Variants in PGGT1B observed in about 807,000 individuals in gnomAD.
PGGT1B encodes the protein protein geranylgeranyltransferase type I subunit beta.
A neutral mutation model predicts 46.1 loss-of-function variants in PGGT1B; 30 were observed. The ratio of observed to expected loss-of-function variants is 0.65; its 90% CI spans 0.49 to 0.88. The LOEUF is 0.88. Ranked by LOEUF, PGGT1B falls within the 40% of genes least tolerant of loss-of-function variation. PGGT1B has a pLI of 0.00. For synonymous variants in PGGT1B, 170 were observed against 160.0 expected (o/e 1.06, Z -0.47); for missense variants, 376 against 455.9 (o/e 0.82, Z 1.60).
At chr5:115,239,819 T>C (rs80338119) in intron 3 of PGGT1B, among the ~76,000 whole-genome samples, 2,038 of 152,222 alleles carry the variant, frequency 0.013, 46 homozygotes, top group African/African-American at 0.046. Context: ...CTAGAGAGCA[T>C]GGGATTTGTG....
intron 3 of PGGT1B, among the ~76,000 whole-genome samples, chr5:115,240,886 T>C (rs1757326850): frequency 1.3e-5 from 2 of 152,302 alleles, no homozygotes; most frequent in African/African-American, 2.4e-5. Flanking sequence ...AAAATACTTG[T>C]ATTTTGTGTA....
rs1254645589 is a variant in PGGT1B, at chr5:115,210,347, A to C, written c.*2055T>G. The C allele has an allele frequency of 6.6e-6, 1 of 152,146 alleles. No individual in the cohort carries two copies. The highest frequency in any genetic ancestry group is 1.5e-5 in the Non-Finnish European group (1 of 67,994). 9.4% of individuals were successfully genotyped at this position (152,146 alleles called of 1,614,324 possible). On this transcript the variant is annotated 3_prime_UTR_variant, in exon 9 of 9. Transcript: ENST00000419445. ...GTGAAATATTGCTTATAATTTATTT[A>C]ATCGATAAATGCTTTTCTTGTAAAT...
intron 1 of PGGT1B, among the ~76,000 whole-genome samples, chr5:115,257,715 C>G (rs1293055334): frequency 1.3e-5 from 2 of 152,142 alleles, no homozygotes; most frequent in African/African-American, 4.8e-5. Flanking sequence ...TACCAAGTGT[C>G]TTAAACAAGT....
chr5:115,213,721 A>T (rs960186593), intron 8 of PGGT1B, among the ~76,000 whole-genome samples: 18 of 152,172 alleles, frequency 1.2e-4, no homozygotes, highest in African/African-American at 4.3e-4. Context: ...GCAGTGAGGC[A>T]TGATTATATC....
intron 8 of PGGT1B, among the ~76,000 whole-genome samples, chr5:115,215,126 G>A (rs1227839591): frequency 6.6e-6 from 1 of 151,934 alleles, no homozygotes; most frequent in African/African-American, 2.4e-5. Flanking sequence ...AGCCTCCTGA[G>A]TAGCTGGGAC....
intron 2 of PGGT1B, among the ~76,000 whole-genome samples, chr5:115,245,707 T>C (rs1206956127): frequency 1.3e-5 from 2 of 152,248 alleles, no homozygotes; most frequent in Non-Finnish European, 2.9e-5. Flanking sequence ...AAAGCTTTTT[T>C]AAAGTAAAAA....
At position 115,209,014 on chromosome 5, in the gene PGGT1B, T is replaced by C. The variant is rs1289444193; in HGVS notation, c.*3388A>G. 2.0e-5 allele frequency: 3 copies of C among 152,056 alleles called. No homozygotes were observed. Among genetic ancestry groups the C allele is most frequent in the African/African-American group, 7.2e-5 (3 of 41,422 alleles). 9.4% of individuals were successfully genotyped at this position (152,056 alleles called of 1,614,324 possible). On this transcript the variant is annotated 3_prime_UTR_variant, in exon 9 of 9. Coordinates refer to ENST00000419445, the MANE Select transcript of PGGT1B (RefSeq NM_005023.4). ...TAATCCTGGCTCACTTACTCTTTTT[T>C]TCCCCTTAACTGAAATGAGTTTTTC...
At position 115,210,499 on chromosome 5, in the gene PGGT1B, C is replaced by T. The variant is rs879707115; in HGVS notation, c.*1903G>A. The T allele has an allele frequency of 2.6e-5, 4 of 152,046 alleles. No homozygotes were observed. Among genetic ancestry groups the T allele is most frequent in the Non-Finnish European group, 4.4e-5 (3 of 67,978 alleles). 9.4% of individuals were successfully genotyped at this position (152,046 alleles called of 1,614,324 possible). A position where few individuals can be genotyped will look rare whatever the true frequency, so the allele number is the denominator to read the frequency against. The stretch of plus-strand genomic sequence containing the variant: ...TAAAGTTTCACAAGAAAGTCTCCCA[C>T]AAGTGTATCAATTAGAAGCATACTA... On this transcript the variant is annotated 3_prime_UTR_variant, in exon 9 of 9. Transcript: ENST00000419445.
At chr5:115,215,482 A>G (rs1387159734) in intron 8 of PGGT1B, among the ~76,000 whole-genome samples, 1 of 151,966 alleles carries the variant, frequency 6.6e-6, no homozygotes, top group Non-Finnish European at 1.5e-5. Context: ...TATTTTTAGT[A>G]GAGGCAATGT....
chr5:115,235,451 A>G (rs1256135644), intron 5 of PGGT1B, among the ~76,000 whole-genome samples: 1 of 152,116 alleles, frequency 6.6e-6, no homozygotes, highest in African/African-American at 2.4e-5. Context: ...TCTCACCACA[A>G]GATATTCGGT....
intron 1 of PGGT1B, among the ~76,000 whole-genome samples, chr5:115,255,997 T>C (rs1748294492): frequency 6.6e-6 from 1 of 152,118 alleles, no homozygotes. Context: ...CACAATCAAA[T>C]CTATGGGTGT....
intron 5 of PGGT1B, among the ~76,000 whole-genome samples, chr5:115,232,928 T>C (rs1350945732): frequency 6.6e-6 from 1 of 151,930 alleles, no homozygotes; most frequent in Non-Finnish European, 1.5e-5. Context: ...AAAATTTAGA[T>C]ACCTGAGAAA....
chr5:115,258,014 C>T (rs1462367838), intron 1 of PGGT1B, among the ~76,000 whole-genome samples: 3 of 152,182 alleles, frequency 2.0e-5, no homozygotes, highest in Non-Finnish European at 4.4e-5. Flanking sequence ...TTTTCAATGG[C>T]TGATTCAACT....
intron 3 of PGGT1B, 28 bp from the exon 4 acceptor site, chr5:115,238,037 T>C (rs1757236980): frequency 6.7e-7 from 1 of 1,489,974 alleles, no homozygotes; most frequent in Non-Finnish European, 9.1e-7. Flanking sequence ...ATAGTACTAA[T>C]TAATGAAGTG....
intron 2 of PGGT1B, among the ~76,000 whole-genome samples, chr5:115,247,705 C>T (rs192420230): frequency 6.6e-6 from 1 of 152,190 alleles, no homozygotes; most frequent in East Asian, 1.9e-4. Context: ...TACCTATTTT[C>T]CACATTTCAC....
rs201764341 is a variant in PGGT1B at position 115,236,387 on chromosome 5, C to T, written c.612+3G>A. 406 of 1,591,694 alleles carry T rather than the reference C, an allele frequency of 2.6e-4. No homozygotes were observed. Among genetic ancestry groups the T allele is most frequent in the Non-Finnish European group, 2.7e-4 (312 of 1,171,542 alleles). ...AATAGTCAATTTTATCAACAGAACT[C>T]ACCATACTCCTTCTAATATAGGTGA... On this transcript the variant is annotated splice_donor_region_variant and intron_variant, in intron 5 of 8. Coordinates refer to ENST00000419445, the MANE Select transcript of PGGT1B (RefSeq NM_005023.4).
At chr5:115,241,676 T>A in intron 2 of PGGT1B, 70 bp from the exon 3 acceptor site, 1 of 1,133,160 alleles carries the variant, frequency 8.8e-7, no homozygotes, top group Non-Finnish European at 1.3e-6. Flanking sequence ...GCAGTTTAAT[T>A]ACACAATCTT....
chr5:115,232,403 A>T (rs1757020327), intron 5 of PGGT1B, among the ~76,000 whole-genome samples: 1 of 152,052 alleles, frequency 6.6e-6, no homozygotes, highest in East Asian at 1.9e-4. Context: ...AGCTGATAGA[A>T]ACTTAGATTG....
rs1475430653 is a variant in PGGT1B at position 115,236,401 on chromosome 5, T to G, written c.601A>C (p.Arg201=). The change falls in exon 5 of 9, where the codon AGA becomes CGA. Residue 201 remains arginine, a synonymous_variant. Coordinates refer to ENST00000419445, the MANE Select transcript of PGGT1B (RefSeq NM_005023.4). ...MDMKKAITYI[R]RSMSYDNGLA... is the part of the protein sequence containing the mutation. Reference sequence around the variant, plus strand: ...TCAACAGAACTCACCATACTCCTTCTAATATAGGTGATGGCTTTTTTCATA... The same window carrying G: ...TCAACAGAACTCACCATACTCCTTCGAATATAGGTGATGGCTTTTTTCATA... 6.3e-7 allele frequency: 1 copy of G among 1,593,204 alleles called. No homozygotes were observed. The highest frequency in any genetic ancestry group is 8.5e-7 in the Non-Finnish European group (1 of 1,172,510).
Sources: gnomAD v4.1 joint callset for allele counts (sites outside exome capture counted in the v4.1 genomes callset) on GRCh38, gnomAD v4.1.1 for gene constraint, MANE v1.5 for transcripts, NCBI Gene and HGNC (gene_info 2026-07-23, HGNC 2026-07-21) for gene names.